Variants in IL13RA1 observed in about 807,000 individuals in gnomAD.
IL13RA1 encodes interleukin-13 receptor subunit alpha-1.
IL13RA1 carries 14 observed loss-of-function variants against 33.8 expected under a neutral mutation model. The observed-to-expected ratio is 0.41, with a 90% CI of 0.27 to 0.65. The LOEUF (loss-of-function observed/expected upper bound fraction) is 0.65. Ranked by LOEUF, IL13RA1 falls within the 30% of genes least tolerant of loss-of-function variation. The pLI is 0.28. For synonymous variants in IL13RA1, 116 were observed against 115.7 expected, an observed-to-expected ratio of 1.00 and a Z score of -0.02; for missense variants, 313 against 327.0, an observed-to-expected ratio of 0.96 and a Z score of 0.33.
intron 1 of IL13RA1, among the ~76,000 whole-genome samples, chrX:118,738,942 C>G (rs2017313331): frequency 9.1e-6 from 1 of 109,640 alleles, no homozygotes; most frequent in Admixed American, 9.8e-5. Context: ...TGTACACCAC[C>G]ATGCCTGGCT....
At position 118,793,854 on chromosome X, in the gene IL13RA1, AG is replaced by A. The variant is rs1005611895; in HGVS notation, c.*2001del. The A allele has an allele frequency of 8.9e-6, 1 of 111,941 alleles. No individual in the cohort carries two copies. Among genetic ancestry groups the A allele is most frequent in the African/African-American group, 3.2e-5 (1 of 30,793 alleles). 9.2% of individuals were successfully genotyped at this position (111,941 alleles called of 1,213,427 possible). A position where few individuals can be genotyped will look rare whatever the true frequency, so the allele number is the denominator to read the frequency against. On this transcript the variant is annotated 3_prime_UTR_variant, in exon 11 of 11. Coordinates refer to ENST00000371666, the MANE Select transcript of IL13RA1 (RefSeq NM_001560.3). The stretch of plus-strand genomic sequence containing the variant: ...GGAAGCTGGGGTTCATGACAATGGC[AG>A]ATGTAAAGTTATTCTTGAAGTCAGA...
intron 1 of IL13RA1, among the ~76,000 whole-genome samples, chrX:118,728,565 T>A (rs775635777): frequency 8.9e-6 from 1 of 112,237 alleles, no homozygotes; most frequent in East Asian, 2.8e-4. Flanking sequence ...GGAATGGCCT[T>A]CTGGACGTTT....
chrX:118,776,955 C>A (rs1267819729), intron 10 of IL13RA1, among the ~76,000 whole-genome samples: 2 of 98,604 alleles, frequency 2.0e-5, no homozygotes, highest in Admixed American at 1.2e-4. Context: ...CAGAGCGAGA[C>A]TCTCTAAAAA....
intron 2 of IL13RA1, among the ~76,000 whole-genome samples, chrX:118,745,574 A>G (rs910843695): frequency 3.6e-5 from 4 of 111,980 alleles, no homozygotes; most frequent in African/African-American, 1.3e-4. Flanking sequence ...GAGGCCATCC[A>G]TATGTCCTGG....
chrX:118,801,069 C>T, the IL13RA1 span, among the ~76,000 whole-genome samples: 1 of 112,565 alleles, frequency 8.9e-6, no homozygotes, highest in East Asian at 2.8e-4. Context: ...AGATTACAGG[C>T]ATGAGCCATT....
At chrX:118,786,704 C>T (rs1319932728) in intron 10 of IL13RA1, among the ~76,000 whole-genome samples, 1 of 111,918 alleles carries the variant, frequency 8.9e-6, no homozygotes, top group African/African-American at 3.2e-5. Context: ...TTGATCTAGG[C>T]TTTCTTTTTT....
intron 10 of IL13RA1, among the ~76,000 whole-genome samples, chrX:118,780,864 C>T (rs894007964): frequency 1.8e-5 from 2 of 111,957 alleles, no homozygotes. Flanking sequence ...CCATATAGCC[C>T]AAAGTTACCA....
chrX:118,739,966 G>T (rs1216551559), intron 1 of IL13RA1, among the ~76,000 whole-genome samples: 1 of 111,853 alleles, frequency 8.9e-6, no homozygotes, highest in African/African-American at 3.2e-5. Flanking sequence ...TTTGAGACAG[G>T]GTCTTGCTCC....
At chrX:118,795,096 G>A (rs974082371), downstream of IL13RA1, among the ~76,000 whole-genome samples, 2 of 107,135 alleles carry the variant, frequency 1.9e-5, no homozygotes, top group Non-Finnish European at 3.9e-5. Flanking sequence ...AGTGGCGGGC[G>A]ACTGTGGTCC....
At chrX:118,804,394 T>TACACAC in the IL13RA1 span, among the ~76,000 whole-genome samples, 3,122 of 89,622 alleles carry the variant, frequency 0.035, 57 homozygotes, top group Middle Eastern at 0.06. Context: ...CAGCCATGCA[T>TACACAC]ACACACACAC....
chrX:118,779,135 G>C, intron 10 of IL13RA1, among the ~76,000 whole-genome samples: 1 of 112,019 alleles, frequency 8.9e-6, no homozygotes, highest in Middle Eastern at 4.6e-3. Flanking sequence ...GGAAGATATT[G>C]GCATGTCTTG....
intron 10 of IL13RA1, among the ~76,000 whole-genome samples, chrX:118,780,997 G>A (rs2017837451): frequency 8.9e-6 from 1 of 111,934 alleles, no homozygotes; most frequent in South Asian, 3.7e-4. Flanking sequence ...TAAATCTTCA[G>A]TATAGTTTTC....
At chrX:118,789,750 T>G (rs983341106) in intron 10 of IL13RA1, among the ~76,000 whole-genome samples, 1 of 111,372 alleles carries the variant, frequency 9.0e-6, no homozygotes, top group African/African-American at 3.3e-5. Flanking sequence ...CACCTTAGAT[T>G]TATATAGTTG....
chrX:118,797,735 G>A (rs1449735787), downstream of IL13RA1, among the ~76,000 whole-genome samples: 1 of 112,484 alleles, frequency 8.9e-6, no homozygotes, highest in Admixed American at 9.4e-5. Context: ...GCTGAAAGCA[G>A]AAGAGGGAGA....
intron 6 of IL13RA1, among the ~76,000 whole-genome samples, chrX:118,764,605 A>G (rs941970828): frequency 9.0e-6 from 1 of 111,427 alleles, no homozygotes; most frequent in African/African-American, 3.3e-5. Flanking sequence ...TGTCAAAAAT[A>G]ATATCTATGT....
chrX:118,800,273 C>T, the IL13RA1 span, among the ~76,000 whole-genome samples: 2 of 110,268 alleles, frequency 1.8e-5, no homozygotes, highest in Admixed American at 9.6e-5. Flanking sequence ...TGGCGACCCG[C>T]GCGGGTCCCC....
intron 8 of IL13RA1, chrX:118,770,612 A>G (rs756467239): frequency 4.6e-5 from 21 of 460,566 alleles, no homozygotes; most frequent in East Asian, 5.4e-5. Context: ...CGCCAGGGCA[A>G]CTACTCAGCT....
Position 118,793,576 on chromosome X carries a change from G to A in IL13RA1, c.*1722G>A, listed in dbSNP as rs1330364744. 1 of 111,907 alleles carries A rather than the reference G, an allele frequency of 8.9e-6. No homozygotes were observed. Among genetic ancestry groups the A allele is most frequent in the Non-Finnish European group, 1.9e-5 (1 of 53,188 alleles). 9.2% of individuals were successfully genotyped at this position (111,907 alleles called of 1,213,427 possible). On this transcript the variant is annotated 3_prime_UTR_variant, in exon 11 of 11. Transcript: ENST00000371666. ...TCTTACTTCCCCCAAATTTAAAGAA[G>A]TATGGGAAATGAGAGGCATTTCCCC...
At chrX:118,753,712 A>C (rs916882788) in intron 4 of IL13RA1, among the ~76,000 whole-genome samples, 3 of 112,522 alleles carry the variant, frequency 2.7e-5, no homozygotes, top group Non-Finnish European at 5.6e-5. Context: ...TTTTTTGTAG[A>C]GATGGGGTTT....
Sources: allele counts gnomAD v4.1 joint callset (sites outside exome capture counted in the v4.1 genomes callset), GRCh38; gene constraint gnomAD v4.1.1; transcripts MANE v1.5; gene names NCBI Gene and HGNC (gene_info 2026-07-23, HGNC 2026-07-21).